Variants in CDKL2 observed in about 807,000 individuals in gnomAD.
The protein encoded by CDKL2 is cyclin-dependent kinase-like 2.
A neutral mutation model predicts 63.9 loss-of-function variants in CDKL2; 64 were observed. The observed-to-expected ratio is 1.00, with a 90% CI of 0.82 to 1.23. CDKL2 has a LOEUF of 1.23. CDKL2 is among the 50% of genes most tolerant of loss of function. The pLI is 0.00. For synonymous variants in CDKL2, 211 were observed against 229.2 expected (o/e 0.92, Z 0.72); for missense variants, 656 against 668.0 (o/e 0.98, Z 0.20).
chr4:75,606,721 A>G (rs937796316), intron 4 of CDKL2, among the ~76,000 whole-genome samples: 3 of 152,246 alleles, frequency 2.0e-5, no homozygotes, highest in Non-Finnish European at 4.4e-5. Context: ...CTGACAACAG[A>G]ACTTGTAGAA....
At chr4:75,626,635 C>G (rs1239026304) in intron 1 of CDKL2, among the ~76,000 whole-genome samples, 1 of 84,954 alleles carries the variant, frequency 1.2e-5, no homozygotes, top group Non-Finnish European at 3.0e-5. Context: ...CCACTGCACT[C>G]CAGCCTGGGC....
chr4:75,622,693 G>A (rs1298352868), intron 2 of CDKL2, among the ~76,000 whole-genome samples: 2 of 131,782 alleles, frequency 1.5e-5, no homozygotes, highest in African/African-American at 6.0e-5. Context: ...ACTCCAGCCT[G>A]GGTGACAGAG....
At chr4:75,589,296 T>C (rs1578318053) in intron 12 of CDKL2, among the ~76,000 whole-genome samples, 1 of 136,750 alleles carries the variant, frequency 7.3e-6, no homozygotes, top group South Asian at 2.2e-4. Flanking sequence ...AATTTGATAG[T>C]TTCTTTTTTT....
intron 2 of CDKL2, among the ~76,000 whole-genome samples, chr4:75,615,685 G>A (rs1037894176): frequency 2.6e-5 from 4 of 152,216 alleles, no homozygotes; most frequent in African/African-American, 4.8e-5. Context: ...TATAGAAGAT[G>A]TAAACAAGAT....
At chr4:75,580,384 G>A (rs1412341369) in intron 13 of CDKL2, among the ~76,000 whole-genome samples, 3 of 152,126 alleles carry the variant, frequency 2.0e-5, no homozygotes, top group Non-Finnish European at 2.9e-5. Flanking sequence ...TGGTCTGATT[G>A]GCCAGACATG....
At chr4:75,611,196 C>T (rs192557094) in intron 3 of CDKL2, among the ~76,000 whole-genome samples, 2 of 152,198 alleles carry the variant, frequency 1.3e-5, no homozygotes, top group East Asian at 1.9e-4. Flanking sequence ...CAGTGGCACA[C>T]GCCTGTAATC....
intron 6 of CDKL2, among the ~76,000 whole-genome samples, chr4:75,602,987 C>CT (rs1165939407): frequency 0.17 from 14,778 of 87,628 alleles, 2,346 homozygotes; most frequent in African/African-American, 0.34. Flanking sequence ...TAAATGGTTT[C>CT]TTTTTTTTTT....
At chr4:75,580,724 G>A (rs1198308303) in intron 13 of CDKL2, among the ~76,000 whole-genome samples, 4 of 143,892 alleles carry the variant, frequency 2.8e-5, no homozygotes, top group East Asian at 4.1e-4. Context: ...TTTTTGAGAC[G>A]GAGTCTCGCT....
Position 75,614,311 on chromosome 4 carries a change from C to A in CDKL2, c.307G>T (p.Val103Phe), listed in dbSNP as rs768651248. 8.7e-6 allele frequency: 14 copies of A among 1,609,622 alleles called. No individual in the cohort carries two copies. Among genetic ancestry groups the A allele is most frequent in the Middle Eastern group, 1.7e-4 (1 of 6,034 alleles). Residue 103 changes from valine to phenylalanine, a missense_variant, in exon 3 of 14, where the codon GTT becomes TTT. Coordinates refer to ENST00000307465, the MANE Select transcript of CDKL2 (RefSeq NM_001330724.2). ...LFPNGLDYQV[V>F]QKYLFQIING... ...ATAATCTGAAACAAATACTTTTGAA[C>A]TACTTGGTAGTCTAGTCCATTTGGA...
rs568261532 is a variant in CDKL2, at chr4:75,611,842, CG to C, written c.363+2412del. On this transcript the variant is annotated intron_variant, in intron 3 of 13. Transcript: ENST00000307465. The stretch of plus-strand genomic sequence containing the variant: ...GCTAATTTTGTATTTTTAGTAGAGA[CG>C]GGGTTTCACCATGTTGGCCAGGCTG... Among the ~76,000 whole-genome samples, 443 of 151,816 alleles carry C rather than the reference CG, an allele frequency of 2.9e-3. 2 individuals are homozygous for C. Among genetic ancestry groups the C allele is most frequent in the African/African-American group, 0.01 (427 of 41,412 alleles).
chr4:75,614,960 CTA>C (rs1214170494), intron 2 of CDKL2, among the ~76,000 whole-genome samples: 1 of 107,712 alleles, frequency 9.3e-6, no homozygotes. Flanking sequence ...TATATATACA[CTA>C]TATATATATG....
At chr4:75,579,384 T>C (rs1728159303) in intron 13 of CDKL2, among the ~76,000 whole-genome samples, 1 of 152,196 alleles carries the variant, frequency 6.6e-6, no homozygotes, top group African/African-American at 2.4e-5. Context: ...CAAAACTATC[T>C]TGCGTATGGC....
In CDKL2 at chr4:75,592,278, A is replaced by T; in HGVS notation, c.1417-9T>A. On this transcript the variant is annotated splice_polypyrimidine_tract_variant and intron_variant, in intron 10 of 13. Transcript: ENST00000307465. ...TTTTTTTCACTAGAGACCTAATATC[A>T]TCAACATAGTCAACAAAAAAGAATT... The T allele has an allele frequency of 6.6e-7, 1 of 1,517,418 alleles. No homozygotes were observed. The highest frequency in any genetic ancestry group is 8.8e-7 in the Non-Finnish European group (1 of 1,140,678). The allele number at this position is 1,517,418 out of a possible 1,614,324, so 94.0% of individuals were successfully genotyped here.
intron 10 of CDKL2, among the ~76,000 whole-genome samples, chr4:75,593,559 A>G (rs942407917): frequency 8.5e-5 from 13 of 152,152 alleles, no homozygotes; most frequent in Admixed American, 3.9e-4. Context: ...AATCAGATCT[A>G]AAATTATCAG....
intron 4 of CDKL2, among the ~76,000 whole-genome samples, chr4:75,606,216 AT>A (rs33912317): frequency 5.3e-5 from 7 of 132,312 alleles, no homozygotes; most frequent in East Asian, 4.7e-4. Context: ...GATAGGGATA[AT>A]TTTTTTTTTT....
At chr4:75,589,939 G>A (rs1157849481) in intron 12 of CDKL2, among the ~76,000 whole-genome samples, 1 of 151,236 alleles carries the variant, frequency 6.6e-6, no homozygotes, top group Non-Finnish European at 1.5e-5. Flanking sequence ...CTATGAGCAT[G>A]CCACTGCACT....
chr4:75,621,098 G>C (rs1377351966), intron 2 of CDKL2, among the ~76,000 whole-genome samples: 1 of 151,936 alleles, frequency 6.6e-6, no homozygotes, highest in African/African-American at 2.4e-5. Context: ...AACATGCCCA[G>C]CTAATTTTTG....
chr4:75,594,590 G>A (rs1233224389), intron 10 of CDKL2, among the ~76,000 whole-genome samples: 1 of 152,050 alleles, frequency 6.6e-6, no homozygotes, highest in Non-Finnish European at 1.5e-5. Context: ...TATAGACGAT[G>A]TCAGGTAAAT....
intron 2 of CDKL2, among the ~76,000 whole-genome samples, chr4:75,622,176 G>A (rs1344074041): frequency 6.6e-6 from 1 of 151,964 alleles, no homozygotes; most frequent in Admixed American, 6.6e-5. Flanking sequence ...TAGATATATG[G>A]AAGGCAACTA....
Sources: gnomAD v4.1 joint callset for allele counts (sites outside exome capture counted in the v4.1 genomes callset) on GRCh38, gnomAD v4.1.1 for gene constraint, MANE v1.5 for transcripts, NCBI Gene and HGNC (gene_info 2026-07-23, HGNC 2026-07-21) for gene names.